Variants in PKNOX2 observed in about 807,000 individuals in gnomAD.
PKNOX2 encodes the protein PBX/knotted 1 homeobox 2.
PKNOX2 carries 14 observed loss-of-function variants against 53.1 expected under a neutral mutation model. That is an observed-to-expected ratio of 0.26 (90% confidence interval 0.17 to 0.41). PKNOX2 has a LOEUF of 0.41. Among genes scored for constraint, PKNOX2 ranks in the 10% least tolerant of loss-of-function variants. PKNOX2 has a pLI of 1.00. For missense variants in PKNOX2, 496 were observed against 602.8 expected, an observed-to-expected ratio of 0.82 and a Z score of 1.85; for synonymous variants, 257 against 242.8, an observed-to-expected ratio of 1.06 and a Z score of -0.54.
chr11:125,260,486 C>T (rs902483510), intron 2 of PKNOX2, among the ~76,000 whole-genome samples: 1 of 152,164 alleles, frequency 6.6e-6, no homozygotes, highest in East Asian at 1.9e-4. Flanking sequence ...CGTGAGCCAC[C>T]ATGCCCAGCC....
At chr11:125,220,843 T>A (rs935792515) in intron 1 of PKNOX2, among the ~76,000 whole-genome samples, 1 of 152,196 alleles carries the variant, frequency 6.6e-6, no homozygotes, top group Non-Finnish European at 1.5e-5. Flanking sequence ...AGCAAAATCC[T>A]ACATTCGCCA....
intron 1 of PKNOX2, among the ~76,000 whole-genome samples, chr11:125,214,911 G>A (rs957612288): frequency 3.9e-5 from 6 of 152,076 alleles, no homozygotes; most frequent in African/African-American, 9.7e-5. Flanking sequence ...CAGCCTGTGG[G>A]CCTGGGAGGA....
intron 8 of PKNOX2, 117 bp from the exon 9 acceptor site, chr11:125,410,662 C>G: frequency 1.3e-6 from 1 of 780,410 alleles, no homozygotes. Flanking sequence ...GCTCGCTACC[C>G]AAGGGCTCCA....
At chr11:125,377,124 A>G (rs1456933527) in intron 5 of PKNOX2, among the ~76,000 whole-genome samples, 2 of 152,220 alleles carry the variant, frequency 1.3e-5, no homozygotes, top group African/African-American at 4.8e-5. Flanking sequence ...TGGAGCAGGC[A>G]TTAATTGATA....
chr11:125,335,573 G>A (rs1356779629), intron 3 of PKNOX2, among the ~76,000 whole-genome samples: 2 of 152,132 alleles, frequency 1.3e-5, no homozygotes, highest in Non-Finnish European at 2.9e-5. Context: ...CCAGTCTTTG[G>A]ACTGAGCACT....
chr11:125,168,982 A>T (rs1232478378), intron 1 of PKNOX2, among the ~76,000 whole-genome samples: 1 of 152,190 alleles, frequency 6.6e-6, no homozygotes, highest in East Asian at 1.9e-4. Context: ...CGATTTATTT[A>T]ATCTGGAGCA....
At chr11:125,376,106 ATG>A (rs1952822495) in intron 5 of PKNOX2, among the ~76,000 whole-genome samples, 1 of 152,118 alleles carries the variant, frequency 6.6e-6, no homozygotes, top group African/African-American at 2.4e-5. Flanking sequence ...GTGTGCGTGC[ATG>A]TGTCTGAAGG....
At chr11:125,372,015 G>A (rs1023934856) in intron 5 of PKNOX2, among the ~76,000 whole-genome samples, 3 of 152,268 alleles carry the variant, frequency 2.0e-5, no homozygotes, top group Non-Finnish European at 2.9e-5. Context: ...CAGGGTCTGC[G>A]TCTGTCTTGC....
intron 5 of PKNOX2, among the ~76,000 whole-genome samples, chr11:125,384,545 G>T (rs934597972): frequency 6.6e-6 from 1 of 152,148 alleles, no homozygotes; most frequent in Admixed American, 6.5e-5. Context: ...TAAGCCAGGC[G>T]TGGTGGCGGA....
intron 2 of PKNOX2, among the ~76,000 whole-genome samples, chr11:125,246,369 C>T (rs1353222993): frequency 6.6e-6 from 1 of 152,188 alleles, no homozygotes; most frequent in African/African-American, 2.4e-5. Flanking sequence ...ACACTCATGA[C>T]CTAAACACCT....
chr11:125,281,347 G>A (rs1434699844), intron 2 of PKNOX2, among the ~76,000 whole-genome samples: 2 of 152,204 alleles, frequency 1.3e-5, no homozygotes, highest in Non-Finnish European at 2.9e-5. Context: ...CATGTGGAAT[G>A]TCTTTCCCTT....
intron 2 of PKNOX2, among the ~76,000 whole-genome samples, chr11:125,253,611 C>A (rs528273428): frequency 6.6e-6 from 1 of 152,158 alleles, no homozygotes; most frequent in Non-Finnish European, 1.5e-5. Context: ...GCTGATTTGT[C>A]GTGATTCCTT....
intron 2 of PKNOX2, among the ~76,000 whole-genome samples, chr11:125,275,051 G>T (rs1424410665): frequency 6.6e-6 from 1 of 152,210 alleles, no homozygotes; most frequent in Non-Finnish European, 1.5e-5. Context: ...ACAAGACAAG[G>T]GTCCCTGCCA....
intron 7 of PKNOX2, among the ~76,000 whole-genome samples, chr11:125,404,250 C>A (rs141436055): frequency 6.6e-6 from 1 of 152,252 alleles, no homozygotes; most frequent in Non-Finnish European, 1.5e-5. Context: ...TCCTCACCCC[C>A]AGCCCTGCAG....
intron 2 of PKNOX2, among the ~76,000 whole-genome samples, chr11:125,324,791 G>A (rs1949736504): frequency 6.6e-6 from 1 of 152,168 alleles, no homozygotes; most frequent in Non-Finnish European, 1.5e-5. Flanking sequence ...ACCTTCACCT[G>A]CTTCTGGAGA....
At chr11:125,275,456 A>G (rs1339887121) in intron 2 of PKNOX2, among the ~76,000 whole-genome samples, 1 of 152,168 alleles carries the variant, frequency 6.6e-6, no homozygotes, top group Non-Finnish European at 1.5e-5. Flanking sequence ...GTCTTGGATA[A>G]GCCATGAGGA....
intron 2 of PKNOX2, among the ~76,000 whole-genome samples, chr11:125,324,219 C>T (rs2136077483): frequency 6.6e-6 from 1 of 152,308 alleles, no homozygotes; most frequent in East Asian, 1.9e-4. Flanking sequence ...TTCCCTTCAC[C>T]CCTTAACCAG....
intron 7 of PKNOX2, among the ~76,000 whole-genome samples, chr11:125,400,685 C>G (rs192659295): frequency 6.6e-6 from 1 of 152,314 alleles, no homozygotes; most frequent in Non-Finnish European, 1.5e-5. Flanking sequence ...AACAAGGCTG[C>G]TCACCCAGGA....
chr11:125,328,769 T>C (rs1949984374), intron 2 of PKNOX2, among the ~76,000 whole-genome samples: 1 of 152,172 alleles, frequency 6.6e-6, no homozygotes, highest in African/African-American at 2.4e-5. Context: ...GAACAAAATG[T>C]CTGGAGTCAG....
Sources: allele counts gnomAD v4.1 joint callset (sites outside exome capture counted in the v4.1 genomes callset), GRCh38; gene constraint gnomAD v4.1.1; transcripts MANE v1.5; gene names NCBI Gene and HGNC (gene_info 2026-07-23, HGNC 2026-07-21).